ANKFN1: variants seen among roughly 807,000 people sequenced by gnomAD.
ANKFN1 encodes the protein ankyrin repeat and fibronectin type III domain containing 1.
Under a neutral mutation model 108.7 loss-of-function variants are expected in ANKFN1, and 74 were observed. The observed-to-expected ratio is 0.68, with a 90% confidence interval of 0.56 to 0.83. The LOEUF (loss-of-function observed/expected upper bound fraction) is 0.83, where lower values mean the gene tolerates loss of function less well. Ranked by LOEUF, ANKFN1 falls within the 40% of genes least tolerant of loss-of-function variation. The pLI, the probability that ANKFN1 is intolerant of heterozygous loss-of-function variation, is 0.00. For missense variants in ANKFN1, 1,505 were observed against 1,382.3 expected, an observed-to-expected ratio of 1.09 and a Z score of -1.41; for synonymous variants, 547 against 516.2, an observed-to-expected ratio of 1.06 and a Z score of -0.81.
At chr17:56,057,834 T>G (rs1338751511) in intron 4 of ANKFN1, among the ~76,000 whole-genome samples, 2 of 152,048 alleles carry the variant, frequency 1.3e-5, no homozygotes, top group Non-Finnish European at 2.9e-5. Flanking sequence ...GGCTGCAGAA[T>G]GGGTGTTATG....
chr17:56,351,226 A>C (rs905630825), intron 5 of ANKFN1, among the ~76,000 whole-genome samples: 3 of 152,054 alleles, frequency 2.0e-5, no homozygotes, highest in Non-Finnish European at 4.4e-5. Flanking sequence ...ACCAAAAAAT[A>C]AATAAACCTC....
chr17:56,489,385 T>C (rs1343706285), intron 18 of ANKFN1, among the ~76,000 whole-genome samples: 1 of 151,440 alleles, frequency 6.6e-6, no homozygotes, highest in African/African-American at 2.4e-5. Context: ...AAATGTATCA[T>C]TGCTAAACCA....
At chr17:56,173,491 A>G (rs980339793) in intron 1 of ANKFN1, among the ~76,000 whole-genome samples, 27 of 152,064 alleles carry the variant, frequency 1.8e-4, no homozygotes, top group African/African-American at 6.5e-4. Flanking sequence ...TCACCTTGCC[A>G]TATACTTCAC....
At chr17:56,282,930 G>A (rs891983443) in intron 3 of ANKFN1, among the ~76,000 whole-genome samples, 1 of 152,136 alleles carries the variant, frequency 6.6e-6, no homozygotes, top group Non-Finnish European at 1.5e-5. Flanking sequence ...AGGTATGGTA[G>A]CAGATGGAAA....
rs538331394 is a variant in ANKFN1 at position 56,116,431 on chromosome 17, C to T, written c.288+70106C>T. Among the ~76,000 whole-genome samples the T allele has an allele frequency of 6.4e-4, 98 of 152,182 alleles. 3 individuals are homozygous for T. In the South Asian group the frequency reaches 0.02, roughly 31 times the overall value. On this transcript the variant is annotated intron_variant, in intron 4 of 12. Transcript: ENST00000635860. ...CAAGTCTCATGTTGAAATTTGATCC[C>T]CAGTGTTGCAGATGGGGCCTAATGG...
At chr17:56,364,740 C>T (rs544788994) in intron 6 of ANKFN1, among the ~76,000 whole-genome samples, 1 of 152,310 alleles carries the variant, frequency 6.6e-6, no homozygotes, top group East Asian at 1.9e-4. Flanking sequence ...TATATAAGGA[C>T]TTTGTGAGTC....
rs112596144 is a variant in ANKFN1, at chr17:56,170,807, T to TACACACACACACACAC, written c.-71+17289_-71+17304dup. ...ATATATATATATATATATATATATA[T>TACACACACACACACAC]ACACACACACACACACACACACACA... On this transcript the variant is annotated intron_variant, in intron 1 of 20. Coordinates refer to ENST00000682825, the MANE Select transcript of ANKFN1 (RefSeq NM_001370326.1). Among the ~76,000 whole-genome samples the TACACACACACACACAC allele has an allele frequency of 1.1e-3, 68 of 61,450 alleles. 2 individuals carry two copies. The East Asian group carries it at 0.019, about 17-fold the overall frequency. 40.3% of individuals were successfully genotyped at this position (61,450 alleles called of 152,430 possible).
At chr17:56,458,264 T>G (rs1403932930) in intron 14 of ANKFN1, among the ~76,000 whole-genome samples, 1 of 152,124 alleles carries the variant, frequency 6.6e-6, no homozygotes, top group Non-Finnish European at 1.5e-5. Flanking sequence ...CTAGATTTGA[T>G]ATTAGTCAGC....
chr17:56,348,397 T>A (rs527722592), intron 4 of ANKFN1, among the ~76,000 whole-genome samples: 9 of 152,040 alleles, frequency 5.9e-5, no homozygotes, highest in Non-Finnish European at 7.4e-5. Context: ...GGAAGTCTTT[T>A]TGTTTTGAAG....
At chr17:56,074,103 C>T (rs1598088782) in intron 4 of ANKFN1, among the ~76,000 whole-genome samples, 1 of 152,264 alleles carries the variant, frequency 6.6e-6, no homozygotes, top group East Asian at 1.9e-4. Flanking sequence ...TTTTTGAACC[C>T]TGGGAAATCA....
chr17:56,450,305 T>G (rs1598629713), intron 11 of ANKFN1, among the ~76,000 whole-genome samples: 2 of 152,172 alleles, frequency 1.3e-5, no homozygotes, highest in Non-Finnish European at 2.9e-5. Flanking sequence ...TAAGAGATAC[T>G]CACTGAGTTT....
chr17:56,124,151 C>T (rs144738563), intron 4 of ANKFN1, among the ~76,000 whole-genome samples: 19 of 152,262 alleles, frequency 1.2e-4, no homozygotes, highest in South Asian at 4.2e-4. Flanking sequence ...AGGTCTGGGA[C>T]GGGGGCTGAG....
chr17:56,174,449 G>C (rs895301545), intron 1 of ANKFN1: 1 of 979,900 alleles, frequency 1.0e-6, no homozygotes, highest in East Asian at 1.1e-4. Context: ...TGAATTGCTT[G>C]AGGGTTCTCT....
chr17:56,295,044 T>C (rs539947613), intron 3 of ANKFN1, among the ~76,000 whole-genome samples: 7 of 152,328 alleles, frequency 4.6e-5, no homozygotes, highest in African/African-American at 1.7e-4. Flanking sequence ...AGCCAATATC[T>C]TTTCCCATTA....
At chr17:56,431,467 A>G (rs978597359) in intron 8 of ANKFN1, among the ~76,000 whole-genome samples, 5 of 152,156 alleles carry the variant, frequency 3.3e-5, no homozygotes, top group Admixed American at 3.3e-4. Flanking sequence ...AGGTATCCCT[A>G]TTTTGTGGCT....
intron 3 of ANKFN1, among the ~76,000 whole-genome samples, chr17:56,232,411 G>A (rs904243478): frequency 2.0e-5 from 3 of 152,074 alleles, no homozygotes; most frequent in Admixed American, 6.6e-5. Flanking sequence ...CTTTAGTCCT[G>A]AGGCTAATCT....
intron 20 of ANKFN1, among the ~76,000 whole-genome samples, chr17:56,499,473 G>A (rs747777396): frequency 3.3e-5 from 5 of 152,088 alleles, no homozygotes; most frequent in Admixed American, 6.6e-5. Flanking sequence ...AAAGAGAACA[G>A]GCCCAACCTC....
chr17:56,118,935 C>T (rs1255460365), intron 4 of ANKFN1, among the ~76,000 whole-genome samples: 1 of 152,038 alleles, frequency 6.6e-6, no homozygotes, highest in Admixed American at 6.6e-5. Context: ...GAAAGTGATG[C>T]ACAAAAAGGT....
chr17:56,436,646 A>G (rs1471874658), intron 8 of ANKFN1, among the ~76,000 whole-genome samples: 1 of 152,044 alleles, frequency 6.6e-6, no homozygotes, highest in Non-Finnish European at 1.5e-5. Flanking sequence ...CCTGACTAAC[A>G]TGATGAAACC....
Sources: gnomAD v4.1 joint callset for allele counts (sites outside exome capture counted in the v4.1 genomes callset) on GRCh38, gnomAD v4.1.1 for gene constraint, MANE v1.5 for transcripts, NCBI Gene and HGNC (gene_info 2026-07-23, HGNC 2026-07-21) for gene names.